ANO10: variants seen among roughly 807,000 people sequenced by gnomAD.
ANO10 encodes the protein anoctamin-10.
Under a neutral mutation model 74.7 loss-of-function variants are expected in ANO10, and 77 were observed. The observed-to-expected ratio is 1.03, with a 90% CI of 0.86 to 1.25. ANO10 has a LOEUF of 1.25. Among genes scored for constraint, ANO10 ranks in the 50% most tolerant of loss-of-function variants. The pLI is 0.00. For synonymous variants in ANO10, 279 were observed against 284.9 expected (o/e 0.98, Z 0.21); for missense variants, 721 against 778.1 (o/e 0.93, Z 0.87).
intron 11 of ANO10, among the ~76,000 whole-genome samples, chr3:43,501,998 A>G (rs1000882482): frequency 5.9e-5 from 9 of 152,326 alleles, no homozygotes; most frequent in Admixed American, 5.9e-4. Context: ...AACAAACAAA[A>G]CCAGAAAATA....
At chr3:43,649,562 A>G (rs1434783733) in intron 1 of ANO10, among the ~76,000 whole-genome samples, 1 of 152,208 alleles carries the variant, frequency 6.6e-6, no homozygotes, top group Non-Finnish European at 1.5e-5. Context: ...GCCACCTAAC[A>G]CAGAACAGCT....
At position 43,416,229 on chromosome 3, in the gene ANO10, C is replaced by T. The variant is rs73081016; in HGVS notation, c.1914+16382G>A. The stretch of plus-strand genomic sequence containing the variant: ...CAAACAAAAAGTGTCTACAAATCTA[C>T]GCATACACTGCTTAGAGCAACTTGG... On this transcript the variant is annotated intron_variant, in intron 12 of 12. Transcript: ENST00000292246. 9.8e-3 allele frequency among the ~76,000 whole-genome samples: 1,492 copies of T among 152,264 alleles called. 8 individuals carry two copies. Among genetic ancestry groups the T allele is most frequent in the Non-Finnish European group, 0.017 (1,132 of 68,026 alleles).
chr3:43,528,294 G>C (rs2078299809), intron 11 of ANO10, among the ~76,000 whole-genome samples: 1 of 150,984 alleles, frequency 6.6e-6, no homozygotes, highest in Non-Finnish European at 1.5e-5. Flanking sequence ...TTTTGATTTT[G>C]TTCCTCAACA....
intron 1 of ANO10, among the ~76,000 whole-genome samples, chr3:43,661,854 A>C (rs1043294409): frequency 6.6e-6 from 1 of 152,244 alleles, no homozygotes; most frequent in Non-Finnish European, 1.5e-5. Context: ...AAGAAGAGCT[A>C]ACTATCCTAA....
chr3:43,597,639 C>T (rs552942501), intron 4 of ANO10, among the ~76,000 whole-genome samples: 1 of 152,184 alleles, frequency 6.6e-6, no homozygotes, highest in African/African-American at 2.4e-5. Context: ...GGAGGGATAG[C>T]ATTAGGAGAT....
intron 11 of ANO10, among the ~76,000 whole-genome samples, chr3:43,440,612 G>A (rs2093145513): frequency 6.6e-6 from 1 of 152,014 alleles, no homozygotes; most frequent in South Asian, 2.1e-4. Context: ...AATAGTAGGA[G>A]ATTTCAATAC....
chr3:43,453,105 C>T (rs190194608), intron 11 of ANO10, among the ~76,000 whole-genome samples: 3 of 152,012 alleles, frequency 2.0e-5, no homozygotes, highest in Admixed American at 2.0e-4. Flanking sequence ...CAAATATCTG[C>T]AACCTTTCTG....
chr3:43,641,054 T>G (rs1033493348), intron 1 of ANO10, among the ~76,000 whole-genome samples: 4 of 152,200 alleles, frequency 2.6e-5, no homozygotes, highest in Non-Finnish European at 5.9e-5. Flanking sequence ...GAATCCATCC[T>G]TTTCCTTCTA....
chr3:43,440,477 C>A (rs138505301), intron 11 of ANO10, among the ~76,000 whole-genome samples: 2 of 151,806 alleles, frequency 1.3e-5, no homozygotes, highest in Non-Finnish European at 2.9e-5. Context: ...TATGTAAAAA[C>A]GAAAGGGCCA....
In ANO10 at chr3:43,580,383, T is replaced by G; in HGVS notation, c.562A>C (p.Thr188Pro). The change falls in exon 5 of 13, where the codon ACT becomes CCT. Residue 188 changes from threonine (T) to proline (P), a missense_variant. Thr to Pro is a conservative substitution (Grantham distance 38, BLOSUM62 -1). Transcript: ENST00000292246. ...GGCTGATACTTCAAAGCAAACCGAG[T>G]GTACCAGGTGTCCTCAAGCTTCTTC... The part of the protein sequence containing the change: ...ALKKLEDTWY[T>P]RFALKYQPID... The G allele has an allele frequency of 6.2e-7, 1 of 1,613,922 alleles. No homozygotes were observed. The highest frequency in any genetic ancestry group is 8.5e-7 in the Non-Finnish European group (1 of 1,179,988).
At chr3:43,404,227 G>A (rs2092534759) in intron 12 of ANO10, among the ~76,000 whole-genome samples, 1 of 152,164 alleles carries the variant, frequency 6.6e-6, no homozygotes, top group South Asian at 2.1e-4. Context: ...GTATAAGTAA[G>A]TGTCATGCTG....
chr3:43,573,554 C>A (rs1056979804), intron 7 of ANO10, among the ~76,000 whole-genome samples: 1 of 152,134 alleles, frequency 6.6e-6, no homozygotes, highest in Non-Finnish European at 1.5e-5. Flanking sequence ...TAAATCAATT[C>A]CAGTTGAAAG....
At chr3:43,691,383 G>C (rs1372401573) in intron 1 of ANO10, 1 of 196,986 alleles carries the variant, frequency 5.1e-6, no homozygotes, top group African/African-American at 2.3e-5. Flanking sequence ...ACCGGCTCGG[G>C]CTCTGCCAAG....
intron 1 of ANO10, among the ~76,000 whole-genome samples, chr3:43,620,558 A>G (rs2083338004): frequency 6.6e-6 from 1 of 152,172 alleles, no homozygotes; most frequent in Non-Finnish European, 1.5e-5. Context: ...TGGGAGGATT[A>G]CCTGAGGTCA....
chr3:43,691,320 T>C, intron 1 of ANO10: 1 of 306,056 alleles, frequency 3.3e-6, no homozygotes, highest in East Asian at 5.2e-5. Flanking sequence ...GTCCGCCCCG[T>C]TGTTGTATAA....
At chr3:43,593,422 T>C (rs2081910018) in intron 4 of ANO10, among the ~76,000 whole-genome samples, 1 of 152,162 alleles carries the variant, frequency 6.6e-6, no homozygotes. Flanking sequence ...CAGCAGAAAC[T>C]CTACAAGCCA....
At chr3:43,667,111 GAC>G (rs2084002372) in intron 1 of ANO10, among the ~76,000 whole-genome samples, 1 of 97,098 alleles carries the variant, frequency 1.0e-5, no homozygotes, top group Non-Finnish European at 1.9e-5. Context: ...CTTTTCTTGA[GAC>G]AGAGTCTCGC....
chr3:43,568,554 T>C (rs1450295258), intron 7 of ANO10, among the ~76,000 whole-genome samples: 3 of 147,872 alleles, frequency 2.0e-5, no homozygotes, highest in Non-Finnish European at 4.5e-5. Context: ...CTCAACTACA[T>C]GGAAACTGAA....
At chr3:43,666,579 C>G (rs556781484) in intron 1 of ANO10, among the ~76,000 whole-genome samples, 1 of 152,210 alleles carries the variant, frequency 6.6e-6, no homozygotes, top group South Asian at 2.1e-4. Context: ...ATCTATATAT[C>G]TATCAATCAA....
Sources: allele counts gnomAD v4.1 joint callset (sites outside exome capture counted in the v4.1 genomes callset), GRCh38; gene constraint gnomAD v4.1.1; transcripts MANE v1.5; gene names NCBI Gene and HGNC (gene_info 2026-07-23, HGNC 2026-07-21).